Variants in NBPF11 observed in about 807,000 individuals in gnomAD.
NBPF11 encodes NBPF member 11, also known as NBPF family member NBPF11.
A neutral mutation model predicts 93.9 loss-of-function variants in NBPF11; 72 were observed. That is an observed-to-expected ratio of 0.77 (90% CI 0.63 to 0.93). NBPF11 has a LOEUF of 0.93. Among genes scored for constraint, NBPF11 ranks in the 40% least tolerant of loss-of-function variants. The pLI is 0.00. For synonymous variants in NBPF11, 224 were observed against 304.9 expected, an observed-to-expected ratio of 0.73 and a Z score of 2.76; for missense variants, 705 against 802.2, an observed-to-expected ratio of 0.88 and a Z score of 1.46.
Position 148,103,678 on chromosome 1 carries a change from G to T in NBPF11, c.*218C>A, listed in dbSNP as rs1388562583. ...GCTTAGTAAGGGCTGCTTATTGTGG[G>T]AATATGACTCCCATCTGGAAGACCA... On this transcript the variant is annotated 3_prime_UTR_variant, in exon 24 of 24. Coordinates refer to ENST00000682118, the MANE Select transcript of NBPF11 (RefSeq NM_001385469.3). 1 of 1,611,128 alleles carries T rather than the reference G, an allele frequency of 6.2e-7. No individual in the cohort carries two copies. The highest frequency in any genetic ancestry group is 8.5e-7 in the Non-Finnish European group (1 of 1,179,280).
chr1:148,138,781 C>A (rs1237797088), intron 2 of NBPF11, among the ~76,000 whole-genome samples: 1 of 151,876 alleles, frequency 6.6e-6, no homozygotes, highest in Non-Finnish European at 1.5e-5. Flanking sequence ...CAGTAACAAT[C>A]TGATCTCTCT....
intron 4 of NBPF11, among the ~76,000 whole-genome samples, chr1:148,134,102 G>T (rs1235874555): frequency 6.6e-6 from 1 of 152,046 alleles, no homozygotes; most frequent in African/African-American, 2.4e-5. Flanking sequence ...AGCCTGTAGA[G>T]GAGAGGCGCC....
intron 5 of NBPF11, among the ~76,000 whole-genome samples, chr1:148,125,649 G>T (rs1668941285): frequency 1.3e-5 from 2 of 152,030 alleles, no homozygotes; most frequent in African/African-American, 2.4e-5. Flanking sequence ...TGTTAATTTA[G>T]AAACATCAGA....
chr1:148,149,088 C>T lies in NBPF11; in HGVS notation c.-549+2662G>A, dbSNP rs1294512254. 4.8e-5 allele frequency: 66 copies of T among 1,373,044 alleles called. 2 individuals carry two copies. In the African/African-American group the frequency reaches 8.3e-4, roughly 17 times the overall value. 85.1% of individuals were successfully genotyped at this position (1,373,044 alleles called of 1,614,324 possible). ...TGGAGGGTCGCATCCGGAGCTGGGC[C>T]CGGGGACGCCCGCTGGTGGGAAGGG... On this transcript the variant is annotated intron_variant, in intron 1 of 23. Coordinates refer to ENST00000682118, the MANE Select transcript of NBPF11 (RefSeq NM_001385469.3).
rs1229961117 is a variant in NBPF11 at position 148,122,650 on chromosome 1, T to C, written c.566+79A>G. ...GGGAATGCGGGCTTTTGGCCCATCA[T>C]AGATGCCAGAGAGGGCGTGCCTCCT... On this transcript the variant is annotated intron_variant, in intron 8 of 23. Transcript: ENST00000682118. The C allele has an allele frequency of 3.0e-4, 481 of 1,584,690 alleles. 4 individuals are homozygous for C. The South Asian group carries it at 5.0e-3, about 16-fold the overall frequency.
chr1:148,109,520 G>A lies in NBPF11; in HGVS notation c.1802-185C>T, dbSNP rs1158120637. On this transcript the variant is annotated intron_variant, in intron 16 of 23. Transcript: ENST00000682118. ...AGAAAACTGGCTTGGGTTCTTTCAT[G>A]AGCCTTGGGCAAAATTCCCCTGTGT... is the stretch of plus-strand genomic sequence containing the variant. 5.9e-4 allele frequency: 375 copies of A among 636,320 alleles called. 26 individuals carry two copies. In the African/African-American group the frequency reaches 6.7e-3, roughly 11 times the overall value. 39.4% of individuals were successfully genotyped at this position (636,320 alleles called of 1,614,324 possible). A position where few individuals can be genotyped will look rare whatever the true frequency, so the allele number is the denominator to read the frequency against.
At chr1:148,132,304 T>C (rs1283928171) in intron 4 of NBPF11, among the ~76,000 whole-genome samples, 3 of 147,688 alleles carry the variant, frequency 2.0e-5, no homozygotes, top group Non-Finnish European at 4.5e-5. Flanking sequence ...TAGACATACA[T>C]GTGAGTATCT....
At chr1:148,125,171 C>G (rs587748256) in intron 5 of NBPF11, among the ~76,000 whole-genome samples, 170 bp from the exon 6 acceptor site, 2 of 152,142 alleles carry the variant, frequency 1.3e-5, no homozygotes, top group African/African-American at 4.8e-5. Flanking sequence ...TTTCTGGCAT[C>G]TGATCCTCCA....
Position 148,126,808 on chromosome 1 carries a change from T to C in NBPF11, c.175+21A>G, listed in dbSNP as rs1571461166. On this transcript the variant is annotated intron_variant, in intron 5 of 23. Coordinates refer to ENST00000682118, the MANE Select transcript of NBPF11 (RefSeq NM_001385469.3). ...TGTCTCACATTCATCACTTTCATGA[T>C]GGTGAGCCTATAGATCTTACTGTAT... The C allele has an allele frequency of 8.1e-6, 13 of 1,598,786 alleles. 1 individual carries two copies. The Admixed American group carries it at 8.3e-5, about 10-fold the overall frequency.
chr1:148,125,488 T>C (rs76784171), intron 5 of NBPF11, among the ~76,000 whole-genome samples: 3 of 152,018 alleles, frequency 2.0e-5, no homozygotes, highest in Admixed American at 6.5e-5. Context: ...TATTCAGATA[T>C]GGTTTTAAGA....
chr1:148,148,363 C>T (rs1447389805), intron 1 of NBPF11, among the ~76,000 whole-genome samples: 1 of 152,152 alleles, frequency 6.6e-6, no homozygotes, highest in Non-Finnish European at 1.5e-5. Flanking sequence ...GTTGTGGGGT[C>T]CCGGCATGGG....
At chr1:148,141,105 A>G (rs2149290228) in intron 2 of NBPF11, among the ~76,000 whole-genome samples, 1 of 152,074 alleles carries the variant, frequency 6.6e-6, no homozygotes, top group South Asian at 2.1e-4. Flanking sequence ...AGTCAAAAAG[A>G]TAGAAGTAGT....
In NBPF11 at chr1:148,124,881, C is replaced by G. The variant is rs781939704; in HGVS notation, c.278+18G>C. 12 of 1,607,540 alleles carry G rather than the reference C, an allele frequency of 7.5e-6. No individual in the cohort carries two copies. The highest frequency in any genetic ancestry group is 2.2e-5 in the East Asian group (1 of 44,884). On this transcript the variant is annotated intron_variant, in intron 6 of 23. Coordinates refer to ENST00000682118, the MANE Select transcript of NBPF11 (RefSeq NM_001385469.3). ...CTACACACCTACCTGCCTGTCTCCC[C>G]CTACGGGGTCCCCTCACCTGAGCTC...
chr1:148,108,814 G>A (rs1299733913), intron 17 of NBPF11, among the ~76,000 whole-genome samples, 160 bp from the exon 18 acceptor site: 1,146 of 142,516 alleles, frequency 8.0e-3, no homozygotes, highest in African/African-American at 0.03. Flanking sequence ...GATAGACTAG[G>A]GCCAGGTAGA....
At position 148,146,707 on chromosome 1, in the gene NBPF11, C is replaced by T. The variant is rs1411797846; in HGVS notation, c.-548-3021G>A. 11 of 1,611,836 alleles carry T rather than the reference C, an allele frequency of 6.8e-6. No homozygotes were observed. In the African/African-American group the frequency reaches 1.1e-4, roughly 16 times the overall value. ...CAACCGTGTCTCCTGCATGTATGTT[C>T]GCTGCGTGCCTGGTGCCAGGTACAC... On this transcript the variant is annotated intron_variant, in intron 1 of 23. Transcript: ENST00000682118.
intron 9 of NBPF11, among the ~76,000 whole-genome samples, 156 bp downstream of exon 9, chr1:148,121,899 T>C (rs1452618051): frequency 6.2e-4 from 94 of 151,826 alleles, no homozygotes; most frequent in Non-Finnish European, 7.4e-4. Context: ...ACTTGGGCCT[T>C]CCAAAGTGCT....
chr1:148,134,312 G>A (rs1445466157), intron 4 of NBPF11, among the ~76,000 whole-genome samples: 5 of 151,700 alleles, frequency 3.3e-5, no homozygotes, highest in Non-Finnish European at 7.4e-5. Flanking sequence ...CAGATACTCA[G>A]TGCCAGAGCA....
rs1249727607 is a variant in NBPF11 at position 148,126,934 on chromosome 1, A to T, written c.70T>A (p.Leu24Met). ...EMNILEINEK[L>M]RPQLAENKQQ... is the part of the protein sequence containing the mutation. ...TTGTTCTCTGCCAACTGGGGGCGCA[A>T]TTTCTCGTTGATTTCTAGAATGTTC... is the stretch of plus-strand genomic sequence containing the variant. Residue 24 changes from leucine (L) to methionine (M), a missense_variant, in exon 5 of 24, where the codon TTG becomes ATG. By Grantham distance (15) the Leu-to-Met change is conservative (BLOSUM62 2). Coordinates refer to ENST00000682118, the MANE Select transcript of NBPF11 (RefSeq NM_001385469.3). 2 of 1,044,090 alleles carry T rather than the reference A, an allele frequency of 1.9e-6. No homozygotes were observed. The highest frequency in any genetic ancestry group is 1.4e-6 in the Non-Finnish European group (1 of 690,092). 64.7% of individuals were successfully genotyped at this position (1,044,090 alleles called of 1,614,324 possible).
intron 9 of NBPF11, among the ~76,000 whole-genome samples, chr1:148,121,462 C>G (rs2149232914): frequency 6.6e-6 from 1 of 150,544 alleles, no homozygotes; most frequent in East Asian, 2.0e-4. Flanking sequence ...ATTCTCCTGC[C>G]TCAGCCTCCT....
Sources: gnomAD v4.1 joint callset for allele counts (sites outside exome capture counted in the v4.1 genomes callset) on GRCh38, gnomAD v4.1.1 for gene constraint, MANE v1.5 for transcripts, NCBI Gene and HGNC (gene_info 2026-07-23, HGNC 2026-07-21) for gene names.